Variants in CFAP44 observed in about 807,000 individuals in gnomAD.
The protein encoded by CFAP44 is cilia- and flagella-associated protein 44.
Under a neutral mutation model 216.2 loss-of-function variants are expected in CFAP44, and 134 were observed. The observed-to-expected ratio is 0.62, with a 90% CI of 0.54 to 0.72. The LOEUF (loss-of-function observed/expected upper bound fraction) is 0.72, where lower values mean the gene tolerates loss of function less well. Ranked by LOEUF, CFAP44 falls within the 30% of genes least tolerant of loss-of-function variation. The pLI is 0.00. For missense variants in CFAP44, 2,035 were observed against 2,182.1 expected (o/e 0.93, Z 1.34); for synonymous variants, 700 against 727.6 (o/e 0.96, Z 0.61).
intron 9 of CFAP44, among the ~76,000 whole-genome samples, chr3:113,401,978 A>G (rs1298712779): frequency 6.6e-6 from 1 of 152,214 alleles, no homozygotes; most frequent in Non-Finnish European, 1.5e-5. Context: ...GTGAGAAAGT[A>G]CAGCCTTGCA....
intron 34 of CFAP44, among the ~76,000 whole-genome samples, chr3:113,292,480 A>G (rs1016103135): frequency 6.6e-6 from 1 of 152,224 alleles, no homozygotes; most frequent in African/African-American, 2.4e-5. Flanking sequence ...GCTCAATAAC[A>G]TTTGAATGCA....
At chr3:113,368,377 C>T (rs1933034187) in intron 18 of CFAP44, among the ~76,000 whole-genome samples, 1 of 152,178 alleles carries the variant, frequency 6.6e-6, no homozygotes, top group Non-Finnish European at 1.5e-5. Context: ...GACCGTCAGA[C>T]TAACAGCAGA....
At chr3:113,397,703 A>G (rs961514531) in intron 13 of CFAP44, among the ~76,000 whole-genome samples, 2 of 152,160 alleles carry the variant, frequency 1.3e-5, no homozygotes, top group Non-Finnish European at 2.9e-5. Context: ...CCTACTTGGT[A>G]TTACTGGATA....
chr3:113,312,474 T>G (rs181140499), intron 28 of CFAP44, among the ~76,000 whole-genome samples: 2 of 152,218 alleles, frequency 1.3e-5, no homozygotes, highest in Non-Finnish European at 2.9e-5. Flanking sequence ...ACGCATTTTC[T>G]GAGGAGAAAT....
chr3:113,420,235 G>C, intron 4 of CFAP44, 56 bp from the exon 5 acceptor site: 2 of 1,463,662 alleles, frequency 1.4e-6, no homozygotes, highest in Non-Finnish European at 1.8e-6. Context: ...CTAGGGATTG[G>C]AAAAGTGATG....
chr3:113,308,226 C>T lies in CFAP44; in HGVS notation c.4559G>A (p.Ser1520Asn). 6.5e-7 allele frequency: 1 copy of T among 1,536,446 alleles called. No homozygotes were observed. The highest frequency in any genetic ancestry group is 2.4e-5 in the East Asian group (1 of 40,844). ...ESEESSEEES[S>N]LESDEDESES... ...AGACTCATCTTCATCACTCTCCAAG[C>T]TAGATTCTTCTTCACTTGATTCCTC... Residue 1520 changes from serine (S) to asparagine (N), a missense_variant, in exon 29 of 35, where the codon AGC (serine) becomes AAC (asparagine). By Grantham distance (46) the Ser-to-Asn change is conservative. This residue lies in a region of CFAP44 where 1,883 missense variants were observed against 2,023.7 expected (regional missense o/e 0.93). Transcript: ENST00000393845.
chr3:113,369,761 A>C (rs182376296), intron 18 of CFAP44, among the ~76,000 whole-genome samples: 6,257 of 150,658 alleles, frequency 0.042, 421 homozygotes, highest in African/African-American at 0.15. Flanking sequence ...AGACAAAAAA[A>C]CCCTTCAAAA....
At chr3:113,367,808 T>C (rs1933004052) in intron 18 of CFAP44, among the ~76,000 whole-genome samples, 1 of 152,116 alleles carries the variant, frequency 6.6e-6, no homozygotes, top group Non-Finnish European at 1.5e-5. Flanking sequence ...AGGAGCATGT[T>C]CTAACCCATT....
At chr3:113,332,065 CTA>C (rs1375002534) in intron 25 of CFAP44, among the ~76,000 whole-genome samples, 1 of 152,080 alleles carries the variant, frequency 6.6e-6, no homozygotes, top group African/African-American at 2.4e-5. Flanking sequence ...AAAAGGTGTT[CTA>C]TGTGATTTTA....
intron 6 of CFAP44, among the ~76,000 whole-genome samples, chr3:113,411,338 G>A (rs1359302445): frequency 6.6e-6 from 1 of 152,058 alleles, no homozygotes; most frequent in Non-Finnish European, 1.5e-5. Flanking sequence ...TGTAAGGAAG[G>A]GATCCAGTTT....
intron 3 of CFAP44, chr3:113,426,771 G>T: frequency 4.8e-6 from 1 of 208,484 alleles, no homozygotes; most frequent in Admixed American, 5.7e-5. Flanking sequence ...ACTACTACTG[G>T]CTGGAAGATA....
At chr3:113,357,898 T>C (rs144850503) in intron 22 of CFAP44, among the ~76,000 whole-genome samples, 80 of 152,280 alleles carry the variant, frequency 5.3e-4, no homozygotes, top group Non-Finnish European at 9.3e-4. Flanking sequence ...ACAATGTTCA[T>C]AGTAGCATTA....
Position 113,420,063 on chromosome 3 carries a change from TG to T in CFAP44, c.523del (p.Gln175ArgfsTer26). The T allele has an allele frequency of 6.2e-7, 1 of 1,613,918 alleles. No individual in the cohort carries two copies. Among genetic ancestry groups the T allele is most frequent in the Non-Finnish European group, 8.5e-7 (1 of 1,179,874 alleles). The stretch of plus-strand genomic sequence containing the variant: ...ACCACTGCTACTTCGCAGGTAGATC[TG>T]TTCCTTGGTTTTCAAATTCAGAAAG... ...LIFLNLKTKE[Q>X]IYLRSSSGEG... On this transcript the variant is annotated frameshift_variant, in exon 5 of 35. Transcript: ENST00000393845. LOFTEE classifies it high-confidence loss of function.
rs183503117 is a variant in CFAP44, at chr3:113,324,006, C to T, written c.4516+2439G>A. 8.3e-3 allele frequency among the ~76,000 whole-genome samples: 1,209 copies of T among 145,110 alleles called. 15 individuals are homozygous for T. Among genetic ancestry groups the T allele is most frequent in the African/African-American group, 0.021 (789 of 38,190 alleles). ...TTGCAGTGAGCACAGATCGCGCCAC[C>T]GCACTCCAGCCTGGTGACAGAGCAA... On this transcript the variant is annotated intron_variant, in intron 28 of 34. Coordinates refer to ENST00000393845, the MANE Select transcript of CFAP44 (RefSeq NM_001164496.2).
chr3:113,418,388 G>A (rs1468745982), intron 5 of CFAP44, among the ~76,000 whole-genome samples: 1 of 152,108 alleles, frequency 6.6e-6, no homozygotes, highest in Non-Finnish European at 1.5e-5. Context: ...CGCCAAGCCA[G>A]GAGTTTTATT....
At position 113,308,284 on chromosome 3, in the gene CFAP44, G is replaced by C; in HGVS notation, c.4517-16C>G. On this transcript the variant is annotated splice_polypyrimidine_tract_variant and intron_variant, in intron 28 of 34. Transcript: ENST00000393845. ...TCATCTTCATCTATGGAAAGAGGAG[G>C]GCATTGTTAACAAAGAAGCTTCTAT... The C allele has an allele frequency of 6.7e-7, 1 of 1,498,216 alleles. No individual in the cohort carries two copies. Among genetic ancestry groups the C allele is most frequent in the Non-Finnish European group, 8.8e-7 (1 of 1,130,450 alleles). The allele number at this position is 1,498,216 out of a possible 1,614,324, so 92.8% of individuals were successfully genotyped here.
chr3:113,434,652 C>T (rs1179127309), intron 1 of CFAP44: 3 of 152,238 alleles, frequency 2.0e-5, no homozygotes, highest in South Asian at 2.1e-4. Flanking sequence ...CATTCTTCTA[C>T]GATATGCCTG....
chr3:113,374,985 TA>T (rs1933294247), intron 17 of CFAP44, among the ~76,000 whole-genome samples: 1 of 152,150 alleles, frequency 6.6e-6, no homozygotes, highest in Non-Finnish European at 1.5e-5. Flanking sequence ...GGTACATACT[TA>T]AAGTGGAGTA....
At chr3:113,433,051 G>A (rs1329201780) in intron 2 of CFAP44, among the ~76,000 whole-genome samples, 5 of 151,816 alleles carry the variant, frequency 3.3e-5, no homozygotes, top group African/African-American at 1.2e-4. Flanking sequence ...CTATTTCCTG[G>A]ACCATATGTA....
Sources: allele counts gnomAD v4.1 joint callset (sites outside exome capture counted in the v4.1 genomes callset), GRCh38; gene constraint gnomAD v4.1.1; regional missense constraint gnomAD v4.1.1; transcripts MANE v1.5; gene names NCBI Gene and HGNC (gene_info 2026-07-23, HGNC 2026-07-21).